Variants in RELN observed in about 807,000 individuals in gnomAD.
The protein encoded by RELN is reelin.
Under a neutral mutation model 427.6 loss-of-function variants are expected in RELN, and 108 were observed. The observed-to-expected ratio is 0.25, with a 90% CI of 0.22 to 0.30. The LOEUF (loss-of-function observed/expected upper bound fraction) is 0.30. Ranked by LOEUF, RELN falls within the 10% of genes least tolerant of loss-of-function variation. RELN has a pLI of 1.00. For missense variants in RELN, 3,715 were observed against 4,302.8 expected (o/e 0.86, Z 3.82); for synonymous variants, 1,524 against 1,513.4 (o/e 1.01, Z -0.16).
rs1009178108 is a variant in RELN, at chr7:103,698,020, A to G, written c.976T>C (p.Phe326Leu). ...PEDAKGENVQFQWKQENLRVG... is the reference protein window; with the variant it reads ...PEDAKGENVQLQWKQENLRVG... ...CGAAGATTTTCCTGCTTCCACTGAA[A>G]TTGGACATTCTCCCCTTTGGCGTCC... Residue 326 changes from phenylalanine to leucine, a missense_variant, in exon 10 of 65, where the codon TTT (phenylalanine) becomes CTT (leucine). Phe to Leu is a conservative substitution (Grantham distance 22, BLOSUM62 0). This residue lies in a region of RELN where 2,208 missense variants were observed against 2,361.7 expected (regional missense o/e 0.93). Transcript: ENST00000428762. 1.4e-5 allele frequency: 22 copies of G among 1,613,820 alleles called. No homozygotes were observed. Among genetic ancestry groups the G allele is most frequent in the Non-Finnish European group, 1.9e-5 (22 of 1,179,830 alleles).
chr7:103,949,089 G>GCA (rs951800889), intron 1 of RELN, among the ~76,000 whole-genome samples: 3 of 146,214 alleles, frequency 2.1e-5, no homozygotes, highest in African/African-American at 5.1e-5. Context: ...ACACATACAT[G>GCA]CACACACACA....
At chr7:103,652,442 T>C in intron 14 of RELN, 109 bp downstream of exon 14, 1 of 857,240 alleles carries the variant, frequency 1.2e-6, no homozygotes, top group Non-Finnish European at 1.9e-6. Flanking sequence ...TCAATGAGTA[T>C]TTTACTTAAA....
At chr7:103,844,321 C>A in intron 2 of RELN, among the ~76,000 whole-genome samples, 1 of 152,160 alleles carries the variant, frequency 6.6e-6, no homozygotes, top group East Asian at 1.9e-4. Flanking sequence ...GTTGACCTAT[C>A]TGGGAAGTTT....
intron 1 of RELN, among the ~76,000 whole-genome samples, chr7:103,933,924 C>G (rs1391073821): frequency 1.3e-5 from 2 of 152,164 alleles, no homozygotes; most frequent in Non-Finnish European, 2.9e-5. Context: ...GCAGAGGGTT[C>G]CTTCGCTAAA....
At chr7:103,984,264 C>A (rs975938986) in intron 1 of RELN, among the ~76,000 whole-genome samples, 1 of 151,822 alleles carries the variant, frequency 6.6e-6, no homozygotes, top group African/African-American at 2.4e-5. Context: ...GGTAAAATAT[C>A]ACTCTTTTTA....
At chr7:103,935,646 C>G (rs530429223) in intron 1 of RELN, among the ~76,000 whole-genome samples, 7 of 152,248 alleles carry the variant, frequency 4.6e-5, no homozygotes, top group Non-Finnish European at 7.4e-5. Flanking sequence ...CCCTGTAAGA[C>G]CAGTAAGACT....
intron 2 of RELN, among the ~76,000 whole-genome samples, chr7:103,907,709 G>A (rs948811348): frequency 6.6e-6 from 1 of 151,654 alleles, no homozygotes; most frequent in Non-Finnish European, 1.5e-5. Context: ...TTTATAGTAT[G>A]TAAATTATAG....
Position 103,989,322 on chromosome 7 carries a change from A to G in RELN, c.35T>C (p.Leu12Pro). 1 of 1,587,052 alleles carries G rather than the reference A, an allele frequency of 6.3e-7. No individual in the cohort carries two copies. Among genetic ancestry groups the G allele is most frequent in the Non-Finnish European group, 8.6e-7 (1 of 1,162,260 alleles). ...CGTCGCCCCCAGCAACAGCGCTAGGAGGAAAGTCTGCCGGGCCCAGCCACT... is the reference window on the plus strand; with the variant it reads ...CGTCGCCCCCAGCAACAGCGCTAGGGGGAAAGTCTGCCGGGCCCAGCCACT... The part of the protein sequence containing the change: ...ERSGWARQTF[L>P]LALLLGATLR... The change falls in exon 1 of 65, where the codon CTC (leucine) becomes CCC (proline). Residue 12 changes from leucine (L) to proline (P), a missense_variant. By Grantham distance (98) the Leu-to-Pro change is moderately conservative (BLOSUM62 -3). Around this residue, in one of 4 missense-constraint regions of RELN, gnomAD observed 2,208 missense variants for 2,361.7 expected, o/e 0.93. Transcript: ENST00000428762. The surrounding 1 kb of genome is among the most constrained non-coding windows in gnomAD (Gnocchi z 4.9).
intron 28 of RELN, among the ~76,000 whole-genome samples, chr7:103,577,738 C>T (rs981767516): frequency 6.6e-6 from 1 of 152,130 alleles, no homozygotes; most frequent in Non-Finnish European, 1.5e-5. Flanking sequence ...GGCCTCTATG[C>T]CGCTTCCAAA....
rs1347681319 is a variant in RELN, at chr7:103,565,319, C to G, written c.5169G>C (p.Gln1723His). The G allele has an allele frequency of 6.2e-7, 1 of 1,614,034 alleles. No homozygotes were observed. The highest frequency in any genetic ancestry group is 8.5e-7 in the Non-Finnish European group (1 of 1,180,004). Reference protein sequence around the residue: ...ESSIYTSERFQNWKRITVYLP... With the variant: ...ESSIYTSERFHNWKRITVYLP... The stretch of plus-strand genomic sequence containing the variant: ...GGTAGACAGTGATCCGCTTCCAATT[C>G]TGGAATCTTTCCGAGGTGTAAATTG... The change falls in exon 34 of 65, where the codon CAG becomes CAC. Residue 1723 changes from glutamine to histidine, a missense_variant. Physicochemically the swap from Gln to His is conservative, Grantham distance 24. Around this residue, in one of 4 missense-constraint regions of RELN, gnomAD observed 2,208 missense variants for 2,361.7 expected, o/e 0.93. Transcript: ENST00000428762.
At chr7:103,851,850 G>A (rs565300792) in intron 2 of RELN, among the ~76,000 whole-genome samples, 1 of 152,344 alleles carries the variant, frequency 6.6e-6, no homozygotes, top group East Asian at 1.9e-4. Flanking sequence ...GATATTAGCA[G>A]AAATGAAGTA....
chr7:103,488,968 G>A (rs1246377851), intron 60 of RELN, among the ~76,000 whole-genome samples: 1 of 152,210 alleles, frequency 6.6e-6, no homozygotes, highest in Non-Finnish European at 1.5e-5. Context: ...TATCGGCCAG[G>A]TATTAAGCTA....
chr7:103,553,323 A>G, intron 40 of RELN, 138 bp downstream of exon 40: 2 of 676,326 alleles, frequency 3.0e-6, no homozygotes, highest in East Asian at 2.7e-5. Context: ...AGAGAAAATT[A>G]TGATGCCAAA....
rs1017672625 is a variant in RELN, at chr7:103,482,744, G to A, written c.10280+129C>T. ...CTATAGCTTGCAGTTGCAAAAGAGT[G>A]TAAGCCAAAGTGCTCCTGTGGGGGC... is the stretch of plus-strand genomic sequence containing the variant. On this transcript the variant is annotated intron_variant, in intron 63 of 64. Coordinates refer to ENST00000428762, the MANE Select transcript of RELN (RefSeq NM_005045.4). 3.2e-6 allele frequency: 5 copies of A among 1,546,224 alleles called. No individual in the cohort carries two copies. In the African/African-American group the frequency reaches 6.8e-5, roughly 21 times the overall value.
At chr7:103,542,926 A>G in intron 42 of RELN, 48 bp from the exon 43 acceptor site, 1 of 1,581,102 alleles carries the variant, frequency 6.3e-7, no homozygotes, top group African/African-American at 1.3e-5. Context: ...AACTATAGTG[A>G]GTTGTATTAT....
intron 1 of RELN, among the ~76,000 whole-genome samples, chr7:103,951,016 G>A (rs1338888770): frequency 1.3e-5 from 2 of 152,052 alleles, no homozygotes; most frequent in African/African-American, 4.8e-5. Flanking sequence ...TGCAACCTCC[G>A]CCTCCCTGGT....
chr7:103,907,228 C>A (rs1345123037), intron 2 of RELN, among the ~76,000 whole-genome samples: 3 of 151,382 alleles, frequency 2.0e-5, no homozygotes, highest in Non-Finnish European at 4.4e-5. Flanking sequence ...CCATCCTGGA[C>A]AACGTGGTGA....
intron 8 of RELN, among the ~76,000 whole-genome samples, chr7:103,722,469 T>G (rs1358529705): frequency 6.6e-6 from 1 of 152,154 alleles, no homozygotes; most frequent in Non-Finnish European, 1.5e-5. Flanking sequence ...AACATGTTTC[T>G]TCCCCTAGAA....
intron 3 of RELN, among the ~76,000 whole-genome samples, chr7:103,802,927 T>C (rs1792504817): frequency 2.6e-5 from 4 of 152,128 alleles, no homozygotes; most frequent in Admixed American, 2.6e-4. Context: ...CTTTTTCACA[T>C]GAAGTAAATC....
Sources: allele counts gnomAD v4.1 joint callset (sites outside exome capture counted in the v4.1 genomes callset), GRCh38; gene constraint gnomAD v4.1.1; regional missense constraint gnomAD v4.1.1; non-coding constraint Gnocchi (gnomAD v3.1); transcripts MANE v1.5; gene names NCBI Gene and HGNC (gene_info 2026-07-23, HGNC 2026-07-21).